COL14A1: variants seen among roughly 807,000 people sequenced by gnomAD.
COL14A1 encodes the protein collagen type XIV alpha 1 chain.
In COL14A1, 136 loss-of-function variants were observed where a neutral mutation model predicts 230.3. The ratio of observed to expected loss-of-function variants is 0.59; its 90% CI spans 0.51 to 0.68. COL14A1 has a LOEUF of 0.68. Among genes scored for constraint, COL14A1 ranks in the 30% least tolerant of loss-of-function variants. The probability of loss-of-function intolerance (pLI) is 0.00; values close to 1 mark genes in which losing one functional copy is unlikely to be tolerated. For synonymous variants in COL14A1, 792 were observed against 784.1 expected (o/e 1.01, Z -0.17); for missense variants, 1,976 against 2,215.8 (o/e 0.89, Z 2.17).
chr8:120,281,367 G>T (rs1264981424), intron 31 of COL14A1, among the ~76,000 whole-genome samples: 1 of 151,882 alleles, frequency 6.6e-6, no homozygotes, highest in East Asian at 1.9e-4. Flanking sequence ...TTTGAGAGCA[G>T]CCTGGGCAAC....
At chr8:120,306,149 T>C (rs1319672229) in intron 36 of COL14A1, among the ~76,000 whole-genome samples, 1 of 152,218 alleles carries the variant, frequency 6.6e-6, no homozygotes, top group African/African-American at 2.4e-5. Context: ...TTATTGTTTC[T>C]TTCTTCTTGG....
intron 23 of COL14A1, among the ~76,000 whole-genome samples, chr8:120,262,389 C>A (rs1486321198): frequency 6.6e-6 from 1 of 151,976 alleles, no homozygotes; most frequent in Non-Finnish European, 1.5e-5. Context: ...AGGCGCATTG[C>A]TTGAACCCGG....
At chr8:120,167,040 T>C (rs1253045113) in intron 4 of COL14A1, among the ~76,000 whole-genome samples, 1 of 151,862 alleles carries the variant, frequency 6.6e-6, no homozygotes, top group African/African-American at 2.4e-5. Flanking sequence ...CAAGGTATCT[T>C]ACATTTTTAT....
At chr8:120,132,989 G>A (rs1307114573) in intron 1 of COL14A1, among the ~76,000 whole-genome samples, 1 of 152,054 alleles carries the variant, frequency 6.6e-6, no homozygotes, top group African/African-American at 2.4e-5. Flanking sequence ...AGGCCGAGAC[G>A]GGCGGATCAC....
intron 45 of COL14A1, among the ~76,000 whole-genome samples, chr8:120,351,151 G>A (rs1186549616): frequency 3.5e-5 from 5 of 144,884 alleles, no homozygotes; most frequent in African/African-American, 1.0e-4. Context: ...GGTACATAAC[G>A]AAATGAAGGC....
intron 14 of COL14A1, among the ~76,000 whole-genome samples, chr8:120,217,667 G>A (rs1817797224): frequency 6.6e-6 from 1 of 152,014 alleles, no homozygotes; most frequent in Non-Finnish European, 1.5e-5. Flanking sequence ...AATCTTGAGA[G>A]TAAATAATCC....
rs545389753 is a variant in COL14A1 at position 120,160,078 on chromosome 8, G to T, written c.205+1832G>T. 3.3e-5 allele frequency among the ~76,000 whole-genome samples: 5 copies of T among 152,214 alleles called. No homozygotes were observed. The South Asian group carries it at 8.3e-4, about 25-fold the overall frequency. ...AATACCAGATGTCCACTTTTCCCATGGTGGCGTACAGAAGTGACTTGCTTA... is the reference window on the plus strand; with the variant it reads ...AATACCAGATGTCCACTTTTCCCATTGTGGCGTACAGAAGTGACTTGCTTA... On this transcript the variant is annotated intron_variant, in intron 3 of 47. Coordinates refer to ENST00000297848, the MANE Select transcript of COL14A1 (RefSeq NM_021110.4).
At chr8:120,312,843 C>T (rs1156449136) in intron 37 of COL14A1, among the ~76,000 whole-genome samples, 1 of 152,162 alleles carries the variant, frequency 6.6e-6, no homozygotes, top group Non-Finnish European at 1.5e-5. Flanking sequence ...GTTCACCAAT[C>T]TCAGAGCTAA....
intron 1 of COL14A1, among the ~76,000 whole-genome samples, chr8:120,137,931 C>CT (rs1814766198): frequency 2.0e-5 from 3 of 151,942 alleles, no homozygotes; most frequent in Admixed American, 6.6e-5. Flanking sequence ...TAATTTAAAT[C>CT]TATTTTCAGA....
chr8:120,190,303 G>A (rs181730416), intron 5 of COL14A1, among the ~76,000 whole-genome samples: 1,702 of 152,168 alleles, frequency 0.011, 32 homozygotes, highest in African/African-American at 0.039. Context: ...GTGTCTGTTC[G>A]TGTCCTTCGC....
intron 32 of COL14A1, among the ~76,000 whole-genome samples, chr8:120,285,295 T>C (rs2129930045): frequency 6.6e-6 from 1 of 151,666 alleles, no homozygotes; most frequent in African/African-American, 2.4e-5. Flanking sequence ...CCAAGCCGTC[T>C]CTACTAAAAA....
intron 45 of COL14A1, among the ~76,000 whole-genome samples, chr8:120,359,393 C>A: frequency 6.6e-6 from 1 of 152,116 alleles, no homozygotes; most frequent in East Asian, 1.9e-4. Flanking sequence ...TCTGTAGACC[C>A]TGACCTTATC....
chr8:120,216,525 A>C (rs769145182), intron 14 of COL14A1, 35 bp downstream of exon 14: 1 of 1,589,952 alleles, frequency 6.3e-7, no homozygotes, highest in East Asian at 2.2e-5. Context: ...TTTTTTAGGT[A>C]GTGGCGTGCT....
chr8:120,373,344 T>G lies in COL14A1; in HGVS notation c.*2113T>G, dbSNP rs1812221565. ...AAGAAAGTTACATTAATTTGGAATGTGTCATCACTTGGACCCAGTATATCA... is the reference window on the plus strand; with the variant it reads ...AAGAAAGTTACATTAATTTGGAATGGGTCATCACTTGGACCCAGTATATCA... On this transcript the variant is annotated 3_prime_UTR_variant, in exon 48 of 48. Transcript: ENST00000297848. 6.6e-6 allele frequency among the ~76,000 whole-genome samples: 1 copy of G among 152,196 alleles called. No individual in the cohort carries two copies. The highest frequency in any genetic ancestry group is 2.1e-4 in the South Asian group (1 of 4,832).
intron 1 of COL14A1, among the ~76,000 whole-genome samples, chr8:120,145,211 C>T (rs910879900): frequency 2.0e-5 from 3 of 152,054 alleles, no homozygotes; most frequent in Admixed American, 2.0e-4. Flanking sequence ...TGAAAACAAC[C>T]TCTGTGATGG....
chr8:120,150,832 G>A (rs761314061), intron 2 of COL14A1, among the ~76,000 whole-genome samples: 6 of 152,062 alleles, frequency 3.9e-5, no homozygotes, highest in East Asian at 1.9e-4. Flanking sequence ...GATTATATTC[G>A]AATTGTATTT....
intron 45 of COL14A1, among the ~76,000 whole-genome samples, chr8:120,347,187 C>T (rs1381014071): frequency 6.6e-6 from 1 of 152,162 alleles, no homozygotes; most frequent in Non-Finnish European, 1.5e-5. Flanking sequence ...CTCTCCTGCT[C>T]TGCAAGTACA....
intron 46 of COL14A1, among the ~76,000 whole-genome samples, chr8:120,368,606 CAAA>C (rs11342918): frequency 6.8e-5 from 8 of 118,478 alleles, no homozygotes; most frequent in Admixed American, 8.7e-5. Context: ...GCATACAAGC[CAAA>C]AAAAAAAAAA....
At chr8:120,236,191 A>G (rs1216040255) in intron 19 of COL14A1, among the ~76,000 whole-genome samples, 1 of 152,186 alleles carries the variant, frequency 6.6e-6, no homozygotes, top group African/African-American at 2.4e-5. Context: ...TGTCTCATTT[A>G]TCTGTCTAAT....
Sources: allele counts gnomAD v4.1 joint callset (sites outside exome capture counted in the v4.1 genomes callset), GRCh38; gene constraint gnomAD v4.1.1; transcripts MANE v1.5; gene names NCBI Gene and HGNC (gene_info 2026-07-23, HGNC 2026-07-21).